Variants in RUBCN observed in about 807,000 individuals in gnomAD.
RUBCN encodes rubicon autophagy regulator, also known as run domain Beclin-1-interacting and cysteine-rich domain-containing protein.
A neutral mutation model predicts 113.2 loss-of-function variants in RUBCN; 74 were observed. The observed-to-expected ratio is 0.65, with a 90% CI of 0.54 to 0.79. The LOEUF (loss-of-function observed/expected upper bound fraction) is 0.79. Ranked by LOEUF, RUBCN falls within the 30% of genes least tolerant of loss-of-function variation. The pLI is 0.00. For missense variants in RUBCN, 1,109 were observed against 1,251.7 expected (o/e 0.89, Z 1.72); for synonymous variants, 480 against 490.0 (o/e 0.98, Z 0.27).
chr3:197,700,726 A>G lies in RUBCN; in HGVS notation c.1148T>C (p.Val383Ala). 1.2e-6 allele frequency: 2 copies of G among 1,614,210 alleles called. No individual in the cohort carries two copies. Among genetic ancestry groups the G allele is most frequent in the South Asian group, 1.1e-5 (1 of 91,082 alleles). ...CTCTGAGAAGCTGGACCTGCGGAGG[A>G]CACTGGACAGCTGGCTCTCCCCACC... ...EGGGESQLSSVLRRSSFSEGQ... is the reference protein window; with the variant it reads ...EGGGESQLSSALRRSSFSEGQ... The change falls in exon 7 of 20, where the codon GTC (valine) becomes GCC (alanine). Residue 383 changes from valine to alanine, a missense_variant. Around this residue, in one of 3 missense-constraint regions of RUBCN, gnomAD observed 736 missense variants for 779.6 expected, o/e 0.94. Coordinates refer to ENST00000296343, the MANE Select transcript of RUBCN (RefSeq NM_014687.4).
At chr3:197,749,407 T>C in exon 1 of RUBCN, 1 of 1,212,086 alleles carries the variant, frequency 8.3e-7, no homozygotes, top group Non-Finnish European at 1.1e-6. Context: ...GAACCGTCAC[T>C]GCAGCGTTTG....
chr3:197,718,704 G>C (rs1447313838), intron 1 of RUBCN, among the ~76,000 whole-genome samples: 2 of 152,170 alleles, frequency 1.3e-5, no homozygotes, highest in African/African-American at 2.4e-5. Flanking sequence ...CTCCCAGAGA[G>C]CTGGGATTAC....
intron 1 of RUBCN, among the ~76,000 whole-genome samples, chr3:197,728,928 G>A (rs1727070584): frequency 6.6e-6 from 1 of 152,140 alleles, no homozygotes; most frequent in South Asian, 2.1e-4. Context: ...GAGTGGGTGA[G>A]TGTGCCATGG....
In RUBCN at chr3:197,682,551, T is replaced by C; in HGVS notation, c.2045A>G (p.Lys682Arg). The change falls in exon 14 of 20, where the codon AAG becomes AGG. Residue 682 changes from lysine to arginine, a missense_variant. Physicochemically the swap from Lys to Arg is conservative, Grantham distance 26. Transcript: ENST00000296343. ...PDDGQHADIY[K>R]LRIRVRGNLE... ...GTTGCCACGAACACGAATCCGCAGCTTGTAGATGTCAGCGTGCTGCCCGTC... is the reference window on the plus strand; with the variant it reads ...GTTGCCACGAACACGAATCCGCAGCCTGTAGATGTCAGCGTGCTGCCCGTC... 1 of 1,614,088 alleles carries C rather than the reference T, an allele frequency of 6.2e-7. No homozygotes were observed. Among genetic ancestry groups the C allele is most frequent in the Non-Finnish European group, 8.5e-7 (1 of 1,180,018 alleles).
intron 16 of RUBCN, among the ~76,000 whole-genome samples, chr3:197,678,639 C>T (rs552236000): frequency 3.2e-4 from 48 of 149,004 alleles, no homozygotes; most frequent in South Asian, 2.0e-3. Context: ...GACTGTCCTA[C>T]GCTCTAACTG....
At chr3:197,726,994 C>CA (rs1334338131) in intron 1 of RUBCN, among the ~76,000 whole-genome samples, 1 of 145,554 alleles carries the variant, frequency 6.9e-6, no homozygotes, top group Non-Finnish European at 1.5e-5. Context: ...GGCTGGAGGG[C>CA]AGTGGTGCGA....
chr3:197,717,201 A>C (rs372118200), intron 2 of RUBCN, among the ~76,000 whole-genome samples: 2 of 151,762 alleles, frequency 1.3e-5, no homozygotes, highest in Non-Finnish European at 2.9e-5. Context: ...TTGGGAGGCC[A>C]AGGTGGGCAG....
At chr3:197,725,957 T>C (rs1726698731) in intron 1 of RUBCN, among the ~76,000 whole-genome samples, 1 of 152,148 alleles carries the variant, frequency 6.6e-6, no homozygotes, top group South Asian at 2.1e-4. Context: ...CATGCCAACC[T>C]CACTCTACTG....
At chr3:197,696,802 A>G in intron 8 of RUBCN, 152 bp downstream of exon 8, 1 of 638,368 alleles carries the variant, frequency 1.6e-6, no homozygotes, top group South Asian at 1.6e-5. Flanking sequence ...GATTTCTAGC[A>G]CGGGGGTTAA....
chr3:197,711,947 G>C (rs746860517), intron 2 of RUBCN, among the ~76,000 whole-genome samples: 2 of 151,522 alleles, frequency 1.3e-5, no homozygotes, highest in Non-Finnish European at 2.9e-5. Flanking sequence ...CTTGGTGTTG[G>C]GATTATGGGT....
intron 11 of RUBCN, among the ~76,000 whole-genome samples, chr3:197,693,453 C>T (rs1185431339): frequency 2.6e-5 from 4 of 152,098 alleles, no homozygotes; most frequent in Non-Finnish European, 5.9e-5. Flanking sequence ...GAGTGGGAAC[C>T]CAGGAGAAAG....
rs559576551 is a variant in RUBCN, at chr3:197,731,793, G to A, written c.65+4862C>T. Among the ~76,000 whole-genome samples the A allele has an allele frequency of 1.1e-3, 157 of 146,892 alleles. 1 individual carries two copies. The highest frequency in any genetic ancestry group is 2.0e-3 in the African/African-American group (81 of 39,988). On this transcript the variant is annotated intron_variant, in intron 1 of 19. Coordinates refer to ENST00000296343, the MANE Select transcript of RUBCN (RefSeq NM_014687.4). ...TCCCGGATGGGGCGGCTGGCCGGGC[G>A]GGGGGCTGACCCCCCCACCTCCCTC...
chr3:197,733,797 T>A (rs1727792536), intron 1 of RUBCN, among the ~76,000 whole-genome samples: 1 of 152,214 alleles, frequency 6.6e-6, no homozygotes, highest in Non-Finnish European at 1.5e-5. Context: ...AGTTTTTTGG[T>A]TAAGAGGCAA....
chr3:197,709,763 C>G, intron 2 of RUBCN, among the ~76,000 whole-genome samples: 1 of 152,158 alleles, frequency 6.6e-6, no homozygotes, highest in East Asian at 1.9e-4. Context: ...GAAGTTGATA[C>G]AAATGCATAG....
chr3:197,679,496 C>T (rs1202150748), intron 16 of RUBCN, among the ~76,000 whole-genome samples: 101 of 132,172 alleles, frequency 7.6e-4, no homozygotes, highest in African/African-American at 1.7e-3. Flanking sequence ...ACAACTGGCT[C>T]CAGACTGTCC....
intron 18 of RUBCN, chr3:197,676,480 A>T: frequency 3.1e-6 from 2 of 635,032 alleles, no homozygotes; most frequent in Non-Finnish European, 4.1e-6. Flanking sequence ...TGCCCGGCTA[A>T]TTTCTGTATT....
chr3:197,701,059 G>A lies in RUBCN; in HGVS notation c.815C>T (p.Thr272Ile), dbSNP rs779672490. 1.9e-6 allele frequency: 3 copies of A among 1,612,862 alleles called. No homozygotes were observed. The highest frequency in any genetic ancestry group is 2.5e-6 in the Non-Finnish European group (3 of 1,179,164). The change falls in exon 7 of 20, where the codon ACC becomes ATC. Residue 272 changes from threonine to isoleucine, a missense_variant. Around this residue, in one of 3 missense-constraint regions of RUBCN, gnomAD observed 736 missense variants for 779.6 expected, o/e 0.94. Coordinates refer to ENST00000296343, the MANE Select transcript of RUBCN (RefSeq NM_014687.4). ...GACTGAAACTGGGGGGGCTTGGATG[G>A]TTTGATCCTCTGCTGGTGAGACGTG... Reference protein sequence around the residue: ...RGHVSPAEDQTIQAPPVSVSA... With the variant: ...RGHVSPAEDQIIQAPPVSVSA...
At chr3:197,721,532 T>C (rs1726165405) in intron 1 of RUBCN, among the ~76,000 whole-genome samples, 2 of 152,100 alleles carry the variant, frequency 1.3e-5, no homozygotes, top group African/African-American at 4.8e-5. Context: ...AATTTTATCT[T>C]CTGAAACAAA....
intron 11 of RUBCN, 134 bp from the exon 12 acceptor site, chr3:197,684,351 A>G (rs1208448022): frequency 1.3e-6 from 1 of 769,004 alleles, no homozygotes; most frequent in African/African-American, 1.7e-5. Flanking sequence ...AGGAGAAAGG[A>G]GCAGGTGAAG....
Sources: gnomAD v4.1 joint callset for allele counts (sites outside exome capture counted in the v4.1 genomes callset) on GRCh38, gnomAD v4.1.1 for gene constraint, gnomAD v4.1.1 regional missense constraint, MANE v1.5 for transcripts, NCBI Gene and HGNC (gene_info 2026-07-23, HGNC 2026-07-21) for gene names.